Variants in FANCC observed in about 807,000 individuals in gnomAD.
FANCC encodes the protein FA complementation group C.
A neutral mutation model predicts 71.3 loss-of-function variants in FANCC; 55 were observed. The ratio of observed to expected loss-of-function variants is 0.77; its 90% CI spans 0.62 to 0.97. FANCC has a LOEUF of 0.97. Among genes scored for constraint, FANCC ranks in the 50% least tolerant of loss-of-function variants. The pLI, the probability that FANCC is intolerant of heterozygous loss-of-function variation, is 0.00. For missense variants in FANCC, 678 were observed against 670.9 expected (o/e 1.01, Z -0.12); for synonymous variants, 275 against 244.9 (o/e 1.12, Z -1.15).
intron 6 of FANCC, among the ~76,000 whole-genome samples, chr9:95,159,256 C>T (rs1405800152): frequency 6.6e-6 from 1 of 152,154 alleles, no homozygotes; most frequent in African/African-American, 2.4e-5. Context: ...TTGTTCAATT[C>T]CTACCTGTGA....
chr9:95,188,044 G>A (rs938115989), intron 4 of FANCC, among the ~76,000 whole-genome samples: 2 of 151,248 alleles, frequency 1.3e-5, no homozygotes, highest in African/African-American at 4.8e-5. Context: ...TAGTAGGTGC[G>A]AAATAAATGT....
At position 95,226,331 on chromosome 9, in the gene FANCC, T is replaced by C. The variant is rs1389043847; in HGVS notation, c.345+14318A>G. Among the ~76,000 whole-genome samples, 6 of 152,362 alleles carry C rather than the reference T, an allele frequency of 3.9e-5. No homozygotes were observed. In the East Asian group the frequency reaches 5.8e-4, roughly 15 times the overall value. Reference sequence around the variant, plus strand: ...GATGCCTGTTACTAGCCACTTTTATTCAATAATAGACAGGGGGTGAAAAGG... The same window carrying C: ...GATGCCTGTTACTAGCCACTTTTATCCAATAATAGACAGGGGGTGAAAAGG... On this transcript the variant is annotated intron_variant, in intron 4 of 14. Transcript: ENST00000289081.
rs141714821 is a variant in FANCC at position 95,308,863 on chromosome 9, G to A, written c.-79+8663C>T. The stretch of plus-strand genomic sequence containing the variant: ...AAATTCAAGATATTTTTAAGGGCAG[G>A]CACAGTGTCTGCCTCATGCCTGTAG... On this transcript the variant is annotated intron_variant, in intron 1 of 14. Transcript: ENST00000289081. Among the ~76,000 whole-genome samples, 454 of 152,144 alleles carry A rather than the reference G, an allele frequency of 3.0e-3. 2 individuals are homozygous for A. The highest frequency in any genetic ancestry group is 0.01 in the African/African-American group (434 of 41,478).
chr9:95,131,082 G>A (rs1388579115), intron 8 of FANCC, among the ~76,000 whole-genome samples: 2 of 152,152 alleles, frequency 1.3e-5, no homozygotes, highest in Non-Finnish European at 2.9e-5. Context: ...TTTACCAGAT[G>A]TTGTTTATAC....
intron 8 of FANCC, among the ~76,000 whole-genome samples, chr9:95,128,389 G>A (rs920795856): frequency 3.9e-5 from 6 of 152,218 alleles, no homozygotes; most frequent in Non-Finnish European, 8.8e-5. Context: ...TAAGAGCTTG[G>A]AAATGCGTTG....
chr9:95,272,791 T>C (rs1177939456), intron 1 of FANCC, among the ~76,000 whole-genome samples: 1 of 152,236 alleles, frequency 6.6e-6, no homozygotes, highest in Admixed American at 6.5e-5. Flanking sequence ...AGAATTAACA[T>C]CATTAAGTGA....
chr9:95,173,234 T>C (rs958902103), intron 4 of FANCC, among the ~76,000 whole-genome samples: 7 of 152,058 alleles, frequency 4.6e-5, no homozygotes, highest in Non-Finnish European at 2.9e-5. Flanking sequence ...GGAATAGAAA[T>C]AGGGTCTTCC....
At chr9:95,191,221 G>A (rs116785239) in intron 4 of FANCC, among the ~76,000 whole-genome samples, 304 of 151,874 alleles carry the variant, frequency 2.0e-3, no homozygotes, top group African/African-American at 6.7e-3. Flanking sequence ...GTCAACAGAA[G>A]ACTAAGAAAG....
chr9:95,108,828 C>T (rs1381174713), intron 13 of FANCC, among the ~76,000 whole-genome samples: 1 of 152,050 alleles, frequency 6.6e-6, no homozygotes, highest in East Asian at 1.9e-4. Context: ...ACACATAATG[C>T]CTTGTATCTT....
At chr9:95,202,296 G>A (rs1011824162) in intron 4 of FANCC, among the ~76,000 whole-genome samples, 5 of 151,986 alleles carry the variant, frequency 3.3e-5, no homozygotes, top group African/African-American at 4.8e-5. Context: ...TGGGCTTAAC[G>A]GGGCAGGGCT....
At chr9:95,121,550 T>C (rs1175319446) in intron 10 of FANCC, among the ~76,000 whole-genome samples, 1 of 152,196 alleles carries the variant, frequency 6.6e-6, no homozygotes, top group Non-Finnish European at 1.5e-5. Flanking sequence ...CAGAGCAACA[T>C]TGTTTGTAAT....
At chr9:95,175,123 G>A (rs1207215027) in intron 4 of FANCC, among the ~76,000 whole-genome samples, 3 of 152,028 alleles carry the variant, frequency 2.0e-5, no homozygotes, top group Non-Finnish European at 4.4e-5. Context: ...CTTTCTCCCT[G>A]TGAGCTCACC....
At chr9:95,162,016 A>G (rs1346681868) in intron 6 of FANCC, among the ~76,000 whole-genome samples, 1 of 151,902 alleles carries the variant, frequency 6.6e-6, no homozygotes, top group Non-Finnish European at 1.5e-5. Context: ...TAATTTTTGT[A>G]TTTTTAGTAG....
At chr9:95,296,140 CAT>C (rs1291718013) in intron 1 of FANCC, among the ~76,000 whole-genome samples, 1 of 152,134 alleles carries the variant, frequency 6.6e-6, no homozygotes, top group Non-Finnish European at 1.5e-5. Context: ...ATATATCAAT[CAT>C]ATCTCAATAA....
intron 4 of FANCC, among the ~76,000 whole-genome samples, chr9:95,198,384 T>C (rs1033204446): frequency 3.9e-5 from 6 of 152,256 alleles, no homozygotes; most frequent in Non-Finnish European, 8.8e-5. Flanking sequence ...TGTATCATCA[T>C]GTATGTGGAA....
chr9:95,139,230 A>G (rs1185594634), intron 7 of FANCC, among the ~76,000 whole-genome samples: 2 of 152,184 alleles, frequency 1.3e-5, no homozygotes, highest in Non-Finnish European at 2.9e-5. Flanking sequence ...AGGAAGGGAA[A>G]CGCACCGACG....
intron 1 of FANCC, among the ~76,000 whole-genome samples, chr9:95,309,303 A>G (rs540826526): frequency 1.3e-5 from 2 of 151,996 alleles, no homozygotes; most frequent in South Asian, 2.1e-4. Context: ...CTTCATAAAT[A>G]AAATGCATGC....
Position 95,172,110 on chromosome 9 carries a change from T to C in FANCC, c.383A>G (p.Asp128Gly), listed in dbSNP as rs555753798. 7.4e-6 allele frequency: 12 copies of C among 1,613,118 alleles called. 1 individual carries two copies. In the South Asian group the frequency reaches 1.2e-4, roughly 16 times the overall value. ...TTGAGTGAAAAGAGCAACTTCTTTATCAAATCTGAGTGCTGAAAGTATATG... is the reference window on the plus strand; with the variant it reads ...TTGAGTGAAAAGAGCAACTTCTTTACCAAATCTGAGTGCTGAAAGTATATG... Reference protein sequence around the residue: ...LSHILSALRFDKEVALFTQGL... With the variant: ...LSHILSALRFGKEVALFTQGL... Residue 128 changes from aspartate (D) to glycine (G), a missense_variant, in exon 5 of 15, where the codon GAT becomes GGT. By Grantham distance (94) the Asp-to-Gly change is moderately conservative. Transcript: ENST00000289081.
chr9:95,258,763 G>A (rs1364832832), intron 1 of FANCC, among the ~76,000 whole-genome samples: 3 of 152,222 alleles, frequency 2.0e-5, no homozygotes, highest in African/African-American at 7.2e-5. Context: ...TCTGTTTACA[G>A]ATGACATGAT....
Sources: gnomAD v4.1 joint callset for allele counts (sites outside exome capture counted in the v4.1 genomes callset) on GRCh38, gnomAD v4.1.1 for gene constraint, MANE v1.5 for transcripts, NCBI Gene and HGNC (gene_info 2026-07-23, HGNC 2026-07-21) for gene names.